The following USP38 variants were observed in gnomAD, a reference collection of about 807,000 sequenced individuals.
USP38 encodes the protein ubiquitin specific peptidase 38.
In USP38, 49 loss-of-function variants were observed where a neutral mutation model predicts 94.3. That is an observed-to-expected ratio of 0.52 (90% confidence interval 0.41 to 0.66). The LOEUF (loss-of-function observed/expected upper bound fraction) is 0.66, where lower values mean the gene tolerates loss of function less well. USP38 is among the 30% of genes least tolerant of loss of function. USP38 has a pLI of 0.00. For missense variants in USP38, 1,128 were observed against 1,229.4 expected (o/e 0.92, Z 1.23); for synonymous variants, 468 against 463.6 (o/e 1.01, Z -0.12).
chr4:143,189,577 A>G (rs769233182), intron 2 of USP38, among the ~76,000 whole-genome samples: 17 of 151,868 alleles, frequency 1.1e-4, no homozygotes, highest in Admixed American at 2.6e-4. Flanking sequence ...TTTTCACTTC[A>G]TTGTTTAAAA....
chr4:143,209,726 T>C (rs1452688816), intron 7 of USP38, 69 bp downstream of exon 7: 17 of 929,906 alleles, frequency 1.8e-5, no homozygotes, highest in Non-Finnish European at 2.6e-5. Context: ...CTTTACCTTA[T>C]ACCTAACCTT....
At position 143,185,588 on chromosome 4, in the gene USP38, C is replaced by T. The variant is rs777334025; in HGVS notation, c.138C>T (p.Thr46=). 31 of 1,614,034 alleles carry T rather than the reference C, an allele frequency of 1.9e-5. No individual in the cohort carries two copies. The highest frequency in any genetic ancestry group is 2.6e-5 in the Non-Finnish European group (31 of 1,180,034). Residue 46 remains threonine, a synonymous_variant, in exon 1 of 10, where the codon ACC becomes ACT. Coordinates refer to ENST00000307017, the MANE Select transcript of USP38 (RefSeq NM_032557.6). ...AQCEAMFDLT[T]RLILEGQDPF... Reference sequence around the variant, plus strand: ...GCGAGGCCATGTTTGACCTGACGACCCGGCTCATCCTGGAGGGCCAGGACC... The same window carrying T: ...GCGAGGCCATGTTTGACCTGACGACTCGGCTCATCCTGGAGGGCCAGGACC...
At position 143,214,081 on chromosome 4, in the gene USP38, T is replaced by G; in HGVS notation, c.2105T>G (p.Val702Gly). 1.2e-6 allele frequency: 2 copies of G among 1,613,704 alleles called. No individual in the cohort carries two copies. The highest frequency in any genetic ancestry group is 2.2e-5 in the South Asian group (2 of 91,034). Reference sequence around the variant, plus strand: ...CCTAACGAATCTAACAAGATTCTTGTTAATAAAGATGTACCTCAGAAACCA... The same window carrying G: ...CCTAACGAATCTAACAAGATTCTTGGTAATAAAGATGTACCTCAGAAACCA... ...SVPNESNKILVNKDVPQKPGG... is the reference protein window; with the variant it reads ...SVPNESNKILGNKDVPQKPGG... Residue 702 changes from valine to glycine, a missense_variant, in exon 9 of 10, where the codon GTT (valine) becomes GGT (glycine). Coordinates refer to ENST00000307017, the MANE Select transcript of USP38 (RefSeq NM_032557.6).
chr4:143,213,179 G>A lies in USP38; in HGVS notation c.1605-402G>A, dbSNP rs78702147. 5.0e-3 allele frequency among the ~76,000 whole-genome samples: 763 copies of A among 152,170 alleles called. 4 individuals are homozygous for A. The highest frequency in any genetic ancestry group is 0.017 in the African/African-American group (720 of 41,524). On this transcript the variant is annotated intron_variant, in intron 8 of 9. Coordinates refer to ENST00000307017, the MANE Select transcript of USP38 (RefSeq NM_032557.6). ...TCTCCCTGTCTTTGTTCTGCTCTGTGGAATGACTAGTAAAGTTAGTTGGGC... is the reference window on the plus strand; with the variant it reads ...TCTCCCTGTCTTTGTTCTGCTCTGTAGAATGACTAGTAAAGTTAGTTGGGC...
chr4:143,194,041 G>T (rs983370790), intron 2 of USP38, among the ~76,000 whole-genome samples: 7 of 152,178 alleles, frequency 4.6e-5, no homozygotes, highest in African/African-American at 1.7e-4. Context: ...GTGACCTGAA[G>T]TAATGCTGCT....
chr4:143,195,159 T>C (rs1731508624), intron 2 of USP38, among the ~76,000 whole-genome samples: 1 of 152,226 alleles, frequency 6.6e-6, no homozygotes, highest in South Asian at 2.1e-4. Flanking sequence ...TCATATGTCT[T>C]AGTTCAGATT....
chr4:143,185,643 C>T lies in USP38; in HGVS notation c.193C>T (p.Leu65=), dbSNP rs1731198366. ...PFQRQVGHQV[L]EAYARYHRPE... is the part of the protein sequence containing the mutation. ...CCAGCGGCAGGTGGGGCACCAGGTG[C>T]TGGAGGCCTACGCACGATACCACCG... The change falls in exon 1 of 10, where the codon CTG becomes TTG. Residue 65 remains leucine, a synonymous_variant. Coordinates refer to ENST00000307017, the MANE Select transcript of USP38 (RefSeq NM_032557.6). 6.2e-7 allele frequency: 1 copy of T among 1,614,122 alleles called. No individual in the cohort carries two copies. Among genetic ancestry groups the T allele is most frequent in the Non-Finnish European group, 8.5e-7 (1 of 1,180,002 alleles).
At chr4:143,200,634 TCTCAGCGCAAAAGCTC>T (rs1157515126) in intron 4 of USP38, among the ~76,000 whole-genome samples, 1 of 152,132 alleles carries the variant, frequency 6.6e-6, no homozygotes, top group Non-Finnish European at 1.5e-5. Context: ...AACCCCATAG[TCTCAGCGCAAAAGCTC>T]CTTCAGCTGA....
At chr4:143,193,238 C>G (rs1731450979) in intron 2 of USP38, among the ~76,000 whole-genome samples, 1 of 149,302 alleles carries the variant, frequency 6.7e-6, no homozygotes, top group South Asian at 2.2e-4. Context: ...CTTGTTAATT[C>G]AACAATTTCT....
rs1463025623 is a variant in USP38, at chr4:143,222,556, T to G, written c.*2100T>G. 6.6e-6 allele frequency: 1 copy of G among 152,054 alleles called. No individual in the cohort carries two copies. The highest frequency in any genetic ancestry group is 1.5e-5 in the Non-Finnish European group (1 of 67,954). 9.4% of individuals were successfully genotyped at this position (152,054 alleles called of 1,614,324 possible). On this transcript the variant is annotated 3_prime_UTR_variant, in exon 10 of 10. Transcript: ENST00000307017. ...TTTTAAATTTTCTATCCAAAGTTGT[T>G]TGAATCTAAGGATACAGAGCCTGAG... is the stretch of plus-strand genomic sequence containing the variant.
At chr4:143,209,430 C>T (rs1027900560) in intron 6 of USP38, 134 bp from the exon 7 acceptor site, 3 of 505,316 alleles carry the variant, frequency 5.9e-6, no homozygotes, top group Admixed American at 3.8e-5. Context: ...TTTGAGGTTT[C>T]GGTGAGCTGA....
intron 1 of USP38, among the ~76,000 whole-genome samples, chr4:143,187,087 GT>G (rs966865716): frequency 3.3e-5 from 5 of 150,520 alleles, no homozygotes; most frequent in African/African-American, 4.9e-5. Context: ...GAGTTGGTTT[GT>G]TTTTTTTTCT....
rs1732347266 is a variant in USP38, at chr4:143,222,406, G to A, written c.*1950G>A. 1 of 151,956 alleles carries A rather than the reference G, an allele frequency of 6.6e-6. No homozygotes were observed. Among genetic ancestry groups the A allele is most frequent in the African/African-American group, 2.4e-5 (1 of 41,382 alleles). 9.4% of individuals were successfully genotyped at this position (151,956 alleles called of 1,614,324 possible). On this transcript the variant is annotated 3_prime_UTR_variant, in exon 10 of 10. Coordinates refer to ENST00000307017, the MANE Select transcript of USP38 (RefSeq NM_032557.6). Reference sequence around the variant, plus strand: ...ATAGCACAGTATTTGCATATAACCTGTGCACATCCTCCCATATACTTTAAT... The same window carrying A: ...ATAGCACAGTATTTGCATATAACCTATGCACATCCTCCCATATACTTTAAT...
At chr4:143,205,550 T>C (rs1053352178) in intron 5 of USP38, among the ~76,000 whole-genome samples, 5 of 152,218 alleles carry the variant, frequency 3.3e-5, no homozygotes, top group African/African-American at 4.8e-5. Context: ...TTAATTACTT[T>C]GGGATTTTAT....
At chr4:143,202,769 T>G (rs1321339082) in intron 4 of USP38, among the ~76,000 whole-genome samples, 1 of 152,120 alleles carries the variant, frequency 6.6e-6, no homozygotes, top group Non-Finnish European at 1.5e-5. Context: ...CCCCAGGTCT[T>G]TAAAACTAAC....
rs539711376 is a variant in USP38 at position 143,222,330 on chromosome 4, C to A, written c.*1874C>A. The A allele has an allele frequency of 1.3e-5, 2 of 151,870 alleles. No individual in the cohort carries two copies. Among genetic ancestry groups the A allele is most frequent in the Non-Finnish European group, 2.9e-5 (2 of 67,878 alleles). The allele number at this position is 151,870 out of a possible 1,614,324, so 9.4% of individuals were successfully genotyped here. A position where few individuals can be genotyped will look rare whatever the true frequency, so the allele number is the denominator to read the frequency against. Reference sequence around the variant, plus strand: ...CTGCAGTGGATTGGTTCCAGAACACCATCCCCCAATATTAAAATCCACAGA... The same window carrying A: ...CTGCAGTGGATTGGTTCCAGAACACAATCCCCCAATATTAAAATCCACAGA... On this transcript the variant is annotated 3_prime_UTR_variant, in exon 10 of 10. Coordinates refer to ENST00000307017, the MANE Select transcript of USP38 (RefSeq NM_032557.6).
Position 143,203,507 on chromosome 4 carries a change from A to C in USP38, c.1150A>C (p.Met384Leu). 6.2e-7 allele frequency: 1 copy of C among 1,613,260 alleles called. No homozygotes were observed. Among genetic ancestry groups the C allele is most frequent in the South Asian group, 1.1e-5 (1 of 90,972 alleles). ...ACAATTAACAGAATTGATACACTGT[A>C]TGATGTATCATTATTCTGGATTTCC... Reference protein sequence around the residue: ...LVQLTELIHCMMYHYSGFPDL... With the variant: ...LVQLTELIHCLMYHYSGFPDL... Residue 384 changes from methionine (M) to leucine (L), a missense_variant, in exon 5 of 10, where the codon ATG becomes CTG. Transcript: ENST00000307017.
chr4:143,185,234 C>CG lies in USP38; in HGVS notation c.-215dup, dbSNP rs1203295182. ...GGCGCCTTAGGCCAGCCGCAGGTGT[C>CG]GGTTCTTAGGCTCTCCAGGCTCGCT... On this transcript the variant is annotated 5_prime_UTR_variant, in exon 1 of 10. It removes the in-frame stop codon of an upstream open reading frame in the 5' UTR. Coordinates refer to ENST00000307017, the MANE Select transcript of USP38 (RefSeq NM_032557.6). 7 of 538,122 alleles carry CG rather than the reference C, an allele frequency of 1.3e-5. No individual in the cohort carries two copies. Among genetic ancestry groups the CG allele is most frequent in the Non-Finnish European group, 1.9e-5 (6 of 314,308 alleles). The allele number at this position is 538,122 out of a possible 1,614,324, so 33.3% of individuals were successfully genotyped here.
chr4:143,203,284 C>T (rs2149608611), intron 4 of USP38, 124 bp from the exon 5 acceptor site: 12 of 967,004 alleles, frequency 1.2e-5, no homozygotes, highest in Non-Finnish European at 1.8e-5. Flanking sequence ...ACAAGAAAAA[C>T]TCTGTGACTG....
Sources: gnomAD v4.1 joint callset for allele counts (sites outside exome capture counted in the v4.1 genomes callset) on GRCh38, gnomAD v4.1.1 for gene constraint, MANE v1.5 for transcripts, NCBI Gene and HGNC (gene_info 2026-07-23, HGNC 2026-07-21) for gene names.